Variants in PDGFD observed in about 807,000 individuals in gnomAD.
PDGFD encodes the protein platelet-derived growth factor D.
PDGFD carries 30 observed loss-of-function variants against 44.7 expected under a neutral mutation model. The observed-to-expected ratio is 0.67, with a 90% CI of 0.50 to 0.91. The LOEUF is 0.91. Ranked by LOEUF, PDGFD falls within the 40% of genes least tolerant of loss-of-function variation. PDGFD has a pLI of 0.00. For missense variants in PDGFD, 445 were observed against 457.8 expected (o/e 0.97, Z 0.25); for synonymous variants, 173 against 168.4 (o/e 1.03, Z -0.21).
chr11:103,949,880 C>T (rs944312180), intron 3 of PDGFD, among the ~76,000 whole-genome samples: 1 of 152,086 alleles, frequency 6.6e-6, no homozygotes, highest in African/African-American at 2.4e-5. Flanking sequence ...TAAATAGTTG[C>T]TTCTTGCAGA....
At position 104,020,066 on chromosome 11, in the gene PDGFD, A is replaced by G. The variant is rs868467325; in HGVS notation, c.125-19811T>C. On this transcript the variant is annotated intron_variant, in intron 1 of 6. Coordinates refer to ENST00000393158, the MANE Select transcript of PDGFD (RefSeq NM_025208.5). ...AAAAAATAACACCAATGAGTAAATAAACACCAAACAAATTTCTAGGCAGCA... is the reference window on the plus strand; with the variant it reads ...AAAAAATAACACCAATGAGTAAATAGACACCAAACAAATTTCTAGGCAGCA... Among the ~76,000 whole-genome samples, 4 of 152,182 alleles carry G rather than the reference A, an allele frequency of 2.6e-5. No individual in the cohort carries two copies. In the South Asian group the frequency reaches 8.3e-4, roughly 31 times the overall value.
At chr11:104,092,498 C>T (rs1208393976) in intron 1 of PDGFD, among the ~76,000 whole-genome samples, 1 of 152,098 alleles carries the variant, frequency 6.6e-6, no homozygotes, top group Admixed American at 6.6e-5. Context: ...TGACCCACTG[C>T]TTTTACAATG....
chr11:103,977,889 ATACAAAC>A (rs1275996508), intron 3 of PDGFD, among the ~76,000 whole-genome samples: 1 of 152,068 alleles, frequency 6.6e-6, no homozygotes, highest in Non-Finnish European at 1.5e-5. Context: ...GGTTGTTGTC[ATACAAAC>A]TGAAATGTGG....
intron 2 of PDGFD, among the ~76,000 whole-genome samples, chr11:103,997,141 G>A (rs1257863322): frequency 6.6e-6 from 1 of 152,154 alleles, no homozygotes; most frequent in Non-Finnish European, 1.5e-5. Context: ...TACTTGATAA[G>A]CTGAACTATT....
chr11:104,000,299 T>G, intron 1 of PDGFD, 44 bp from the exon 2 acceptor site: 1 of 1,525,412 alleles, frequency 6.6e-7, no homozygotes, highest in Non-Finnish European at 9.1e-7. Context: ...GTTGCTCCAA[T>G]TACAGGAAAG....
At chr11:104,071,227 T>C (rs1860870796) in intron 1 of PDGFD, among the ~76,000 whole-genome samples, 1 of 151,996 alleles carries the variant, frequency 6.6e-6, no homozygotes, top group Non-Finnish European at 1.5e-5. Context: ...TACACCAATA[T>C]GTAAAAATGG....
chr11:103,922,346 G>A (rs1029837786), intron 6 of PDGFD, among the ~76,000 whole-genome samples: 2 of 151,960 alleles, frequency 1.3e-5, no homozygotes, highest in South Asian at 2.1e-4. Flanking sequence ...TCTATGATGG[G>A]GTTCAGGACA....
At chr11:104,149,524 T>C (rs559643517) in intron 1 of PDGFD, among the ~76,000 whole-genome samples, 1 of 152,274 alleles carries the variant, frequency 6.6e-6, no homozygotes, top group Admixed American at 6.5e-5. Flanking sequence ...GGAATAAATG[T>C]TTGCAAAGTG....
chr11:104,079,201 G>C (rs1183907298), intron 1 of PDGFD, among the ~76,000 whole-genome samples: 2 of 152,110 alleles, frequency 1.3e-5, no homozygotes, highest in African/African-American at 2.4e-5. Context: ...GTAAAAAAAA[G>C]AGTCTGTCAC....
chr11:103,990,737 T>A (rs1482248598), intron 3 of PDGFD, among the ~76,000 whole-genome samples: 4 of 152,174 alleles, frequency 2.6e-5, no homozygotes, highest in African/African-American at 9.6e-5. Context: ...ACTCTGACAG[T>A]CCTTGGCTAT....
intron 6 of PDGFD, among the ~76,000 whole-genome samples, chr11:103,912,084 A>G (rs897367778): frequency 1.6e-4 from 24 of 152,324 alleles, no homozygotes; most frequent in African/African-American, 5.3e-4. Context: ...GAATTTCCCC[A>G]TCTATCAGGG....
At chr11:103,985,191 A>T (rs1239229892) in intron 3 of PDGFD, among the ~76,000 whole-genome samples, 1 of 136,780 alleles carries the variant, frequency 7.3e-6, no homozygotes, top group Non-Finnish European at 1.6e-5. Context: ...TTAATATATA[A>T]TATATATTAA....
In PDGFD at chr11:103,909,080, A is replaced by C. The variant is rs982144857; in HGVS notation, c.*614T>G. 1 of 152,402 alleles carries C rather than the reference A, an allele frequency of 6.6e-6. No individual in the cohort carries two copies. The highest frequency in any genetic ancestry group is 1.9e-4 in the East Asian group (1 of 5,184). The allele number at this position is 152,402 out of a possible 1,614,324, so 9.4% of individuals were successfully genotyped here. A position where few individuals can be genotyped will look rare whatever the true frequency, so the allele number is the denominator to read the frequency against. ...CAGGTTATTATAGTCCACATAGGTA[A>C]GTATGCAGTGCTTCTCATGGAAAAA... is the stretch of plus-strand genomic sequence containing the variant. On this transcript the variant is annotated 3_prime_UTR_variant, in exon 7 of 7. Coordinates refer to ENST00000393158, the MANE Select transcript of PDGFD (RefSeq NM_025208.5).
rs1446603862 is a variant in PDGFD, at chr11:103,926,915, A to G, written c.984T>C (p.His328=). ...AAGAAATCTAAGAATGACATACCTC[A>G]TGATACTTTTTCACGGTTTTCCCTG... The part of the protein sequence containing the change: ...CNSGKTVKKY[H]EVLQFEPGHI... Residue 328 remains histidine (H), a synonymous_variant, in exon 6 of 7, where the codon CAT becomes CAC. Coordinates refer to ENST00000393158, the MANE Select transcript of PDGFD (RefSeq NM_025208.5). 1 of 1,613,268 alleles carries G rather than the reference A, an allele frequency of 6.2e-7. No homozygotes were observed. The highest frequency in any genetic ancestry group is 1.7e-5 in the Admixed American group (1 of 59,912).
intron 3 of PDGFD, among the ~76,000 whole-genome samples, chr11:103,963,663 C>T (rs1413058578): frequency 6.6e-6 from 1 of 152,224 alleles, no homozygotes; most frequent in South Asian, 2.1e-4. Flanking sequence ...TATAACAGTA[C>T]TTTACTGGCT....
At chr11:104,155,394 A>G (rs1200362065) in intron 1 of PDGFD, among the ~76,000 whole-genome samples, 1 of 152,218 alleles carries the variant, frequency 6.6e-6, no homozygotes, top group Non-Finnish European at 1.5e-5. Flanking sequence ...TTATTTAATA[A>G]GAAGCCTCAG....
chr11:104,061,687 G>T (rs1860719741), intron 1 of PDGFD, among the ~76,000 whole-genome samples: 1 of 152,130 alleles, frequency 6.6e-6, no homozygotes, highest in Admixed American at 6.5e-5. Context: ...TCAGCTCACT[G>T]CAACCTCGGC....
chr11:104,128,296 G>T (rs553040488), intron 1 of PDGFD, among the ~76,000 whole-genome samples: 24 of 152,250 alleles, frequency 1.6e-4, no homozygotes, highest in African/African-American at 5.1e-4. Flanking sequence ...TTAAAAGCTG[G>T]TGTGCATAAA....
intron 1 of PDGFD, among the ~76,000 whole-genome samples, chr11:104,101,298 C>T (rs1438822609): frequency 6.6e-6 from 1 of 151,974 alleles, no homozygotes; most frequent in Non-Finnish European, 1.5e-5. Flanking sequence ...AGCATTTTTA[C>T]ACACCAATAA....
Sources: gnomAD v4.1 joint callset for allele counts (sites outside exome capture counted in the v4.1 genomes callset) on GRCh38, gnomAD v4.1.1 for gene constraint, MANE v1.5 for transcripts, NCBI Gene and HGNC (gene_info 2026-07-23, HGNC 2026-07-21) for gene names.